The following PIK3C2B variants were observed in gnomAD, a reference collection of about 807,000 sequenced individuals.
PIK3C2B encodes phosphatidylinositol 4-phosphate 3-kinase C2 domain-containing subunit beta.
Under a neutral mutation model 184.3 loss-of-function variants are expected in PIK3C2B, and 83 were observed. The observed-to-expected ratio is 0.45, with a 90% CI of 0.38 to 0.54. PIK3C2B has a LOEUF of 0.54. Among genes scored for constraint, PIK3C2B ranks in the 20% least tolerant of loss-of-function variants. The pLI is 0.00. For synonymous variants in PIK3C2B, 779 were observed against 837.6 expected, an observed-to-expected ratio of 0.93 and a Z score of 1.21; for missense variants, 1,736 against 2,113.5, an observed-to-expected ratio of 0.82 and a Z score of 3.50.
Position 204,455,982 on chromosome 1 carries a change from G to A in PIK3C2B, c.1817C>T (p.Ala606Val). 6.2e-7 allele frequency: 1 copy of A among 1,614,222 alleles called. No individual in the cohort carries two copies. Among genetic ancestry groups the A allele is most frequent in the Non-Finnish European group, 8.5e-7 (1 of 1,180,010 alleles). ...LVELYCNTFNADFQTAVPGSR... is the reference protein window; with the variant it reads ...LVELYCNTFNVDFQTAVPGSR... ...CCCGGGCACTGCCGTCTGGAAGTCTGCGTTGAATGTGTTGCAGTACAGCTC... is the reference window on the plus strand; with the variant it reads ...CCCGGGCACTGCCGTCTGGAAGTCTACGTTGAATGTGTTGCAGTACAGCTC... The change falls in exon 11 of 33, where the codon GCA (alanine) becomes GTA (valine). Residue 606 changes from alanine (A) to valine (V), a missense_variant. By Grantham distance (64) the Ala-to-Val change is moderately conservative. Around this residue, in one of 8 missense-constraint regions of PIK3C2B, gnomAD observed 609 missense variants for 699.2 expected, o/e 0.87. Transcript: ENST00000684373.
intron 30 of PIK3C2B, 135 bp from the exon 31 acceptor site, chr1:204,427,889 A>C: frequency 1.5e-6 from 1 of 682,390 alleles, no homozygotes; most frequent in South Asian, 1.7e-5. Flanking sequence ...GTGTAGTCTG[A>C]ATGTGATTAG....
At chr1:204,445,205 A>G (rs1653743952) in intron 16 of PIK3C2B, among the ~76,000 whole-genome samples, 1 of 144,538 alleles carries the variant, frequency 6.9e-6, no homozygotes, top group Non-Finnish European at 1.5e-5. Flanking sequence ...TTGCCCCAAA[A>G]GAAAAAAAAA....
intron 1 of PIK3C2B, among the ~76,000 whole-genome samples, chr1:204,486,833 A>T (rs1442966621): frequency 6.6e-6 from 1 of 152,186 alleles, no homozygotes; most frequent in Non-Finnish European, 1.5e-5. Flanking sequence ...TTTGAGATGG[A>T]GTCTCGCTCT....
rs957505941 is a variant in PIK3C2B, at chr1:204,450,020, A to G, written c.2067-3T>C. On this transcript the variant is annotated splice_region_variant and splice_polypyrimidine_tract_variant and intron_variant, in intron 12 of 32. Transcript: ENST00000684373. ...TCACCTGCACTGGGAAGCAGATCCT[A>G]TGGAGGACAGGAAGTCAAATTAGGA... 2.6e-5 allele frequency: 40 copies of G among 1,552,660 alleles called. No homozygotes were observed. Among genetic ancestry groups the G allele is most frequent in the Non-Finnish European group, 3.1e-5 (36 of 1,147,256 alleles).
At chr1:204,425,289 T>G (rs943423886) in intron 32 of PIK3C2B, among the ~76,000 whole-genome samples, 4 of 152,154 alleles carry the variant, frequency 2.6e-5, no homozygotes, top group Non-Finnish European at 4.4e-5. Context: ...ACTGCTCATT[T>G]TCAGCACAGG....
chr1:204,480,564 C>G (rs567436136), intron 1 of PIK3C2B, among the ~76,000 whole-genome samples: 2 of 152,114 alleles, frequency 1.3e-5, no homozygotes, highest in Non-Finnish European at 2.9e-5. Flanking sequence ...AAGGATCACA[C>G]ACATAAGAGT....
At chr1:204,488,572 C>T (rs138441041) in intron 1 of PIK3C2B, among the ~76,000 whole-genome samples, 2 of 152,206 alleles carry the variant, frequency 1.3e-5, no homozygotes, top group Non-Finnish European at 2.9e-5. Flanking sequence ...CTGCTGTGCA[C>T]GTAGAAGAGT....
chr1:204,445,995 T>C lies in PIK3C2B; in HGVS notation c.2639A>G (p.His880Arg). The C allele has an allele frequency of 6.3e-7, 1 of 1,578,222 alleles. No homozygotes were observed. The highest frequency in any genetic ancestry group is 8.6e-7 in the Non-Finnish European group (1 of 1,157,570). ...CCCCAGGGCATCCTGGTGGTTCATG[T>C]GGGTCCACTGCTTCAGGAGAACATA... ...DIYVLLKQWT[H>R]MNHQDALGLL... The change falls in exon 16 of 33, where the codon CAC becomes CGC. Residue 880 changes from histidine to arginine, a missense_variant. This residue lies in a region of PIK3C2B where 609 missense variants were observed against 699.2 expected (regional missense o/e 0.87). Coordinates refer to ENST00000684373, the MANE Select transcript of PIK3C2B (RefSeq NM_001377334.1).
chr1:204,449,201 T>G lies in PIK3C2B; in HGVS notation c.2330A>C (p.Asp777Ala), dbSNP rs1019749230. The change falls in exon 14 of 33, where the codon GAC becomes GCC. Residue 777 changes from aspartate to alanine, a missense_variant. Coordinates refer to ENST00000684373, the MANE Select transcript of PIK3C2B (RefSeq NM_001377334.1). ...AAGCCTCACCTGCAGGATGACACTGTCTGGCTGGTGGAAATTAGGTGCACT... is the reference window on the plus strand; with the variant it reads ...AAGCCTCACCTGCAGGATGACACTGGCTGGCTGGTGGAAATTAGGTGCACT... ...RWSAPNFHQP[D>A]SVILQIDFPT... 6.2e-7 allele frequency: 1 copy of G among 1,611,264 alleles called. No homozygotes were observed.
chr1:204,440,597 C>CTTTTT (rs34256181), intron 21 of PIK3C2B, among the ~76,000 whole-genome samples: 2 of 123,556 alleles, frequency 1.6e-5, no homozygotes, highest in Non-Finnish European at 3.2e-5. Flanking sequence ...ACCATCAGGC[C>CTTTTT]TTTTTTTTTT....
At chr1:204,440,887 A>T (rs1675622282) in intron 21 of PIK3C2B, among the ~76,000 whole-genome samples, 1 of 151,802 alleles carries the variant, frequency 6.6e-6, no homozygotes, top group Non-Finnish European at 1.5e-5. Context: ...TGCTGGGATT[A>T]TAGGCATGAG....
At chr1:204,457,181 T>C in intron 9 of PIK3C2B, 111 bp from the exon 10 acceptor site, 1 of 835,614 alleles carries the variant, frequency 1.2e-6, no homozygotes, top group South Asian at 1.7e-5. Flanking sequence ...TGGGCTGAAA[T>C]GTGAGTAGCT....
At chr1:204,490,589 C>G (rs1414658544) in intron 1 of PIK3C2B, among the ~76,000 whole-genome samples, 1 of 151,988 alleles carries the variant, frequency 6.6e-6, no homozygotes, top group Non-Finnish European at 1.5e-5. Context: ...AAGTGATGGC[C>G]CAGGTCCTTT....
rs146062152 is a variant in PIK3C2B at position 204,441,647 on chromosome 1, G to T, written c.3157-84C>A. 2.7e-4 allele frequency: 218 copies of T among 807,850 alleles called. 1 individual carries two copies. In the East Asian group the frequency reaches 5.2e-3, roughly 19 times the overall value. 50.0% of individuals were successfully genotyped at this position (807,850 alleles called of 1,614,324 possible). ...CGACCTCTCCACTTCAGACCAAGAT[G>T]CTGCCTCCCCGCTGCTGCCGGTCCA... is the stretch of plus-strand genomic sequence containing the variant. On this transcript the variant is annotated intron_variant, in intron 20 of 32. Coordinates refer to ENST00000684373, the MANE Select transcript of PIK3C2B (RefSeq NM_001377334.1).
chr1:204,461,651 T>C (rs1001853547), intron 5 of PIK3C2B, among the ~76,000 whole-genome samples: 2 of 152,118 alleles, frequency 1.3e-5, no homozygotes, highest in African/African-American at 4.8e-5. Context: ...CTCCACATCC[T>C]GAGAGGACCA....
intron 32 of PIK3C2B, 117 bp downstream of exon 32, chr1:204,425,496 G>C: frequency 2.7e-6 from 3 of 1,127,594 alleles, no homozygotes; most frequent in Non-Finnish European, 4.0e-6. Flanking sequence ...ACCTAAATCA[G>C]CAAGTACAGC....
At chr1:204,428,827 T>C (rs1674884069) in intron 29 of PIK3C2B, 1 of 407,510 alleles carries the variant, frequency 2.5e-6, no homozygotes, top group Non-Finnish European at 4.9e-6. Context: ...AAGAAGCAAA[T>C]ATAGCAAAAT....
chr1:204,455,792 GA>G, intron 11 of PIK3C2B, 63 bp downstream of exon 11: 1 of 1,298,020 alleles, frequency 7.7e-7, no homozygotes, highest in Non-Finnish European at 1.1e-6. Flanking sequence ...ATGCAGATAG[GA>G]AAAAGCCCTG....
At chr1:204,455,037 C>T (rs1036223783) in intron 11 of PIK3C2B, among the ~76,000 whole-genome samples, 1 of 152,242 alleles carries the variant, frequency 6.6e-6, no homozygotes, top group Non-Finnish European at 1.5e-5. Flanking sequence ...GTTTTTCTTC[C>T]TTTAATGGGA....
Sources: gnomAD v4.1 joint callset for allele counts (sites outside exome capture counted in the v4.1 genomes callset) on GRCh38, gnomAD v4.1.1 for gene constraint, gnomAD v4.1.1 regional missense constraint, MANE v1.5 for transcripts, NCBI Gene and HGNC (gene_info 2026-07-23, HGNC 2026-07-21) for gene names.